Variants in BCAS1 observed in about 807,000 individuals in gnomAD.
BCAS1 encodes the protein brain enriched myelin associated protein 1.
BCAS1 carries 46 observed loss-of-function variants against 65.4 expected under a neutral mutation model. The ratio of observed to expected loss-of-function variants is 0.70; its 90% CI spans 0.55 to 0.90. The LOEUF (loss-of-function observed/expected upper bound fraction) is 0.90. Among genes scored for constraint, BCAS1 ranks in the 40% least tolerant of loss-of-function variants. The pLI, the probability that BCAS1 is intolerant of heterozygous loss-of-function variation, is 0.00. For missense variants in BCAS1, 793 were observed against 771.2 expected, an observed-to-expected ratio of 1.03 and a Z score of -0.33; for synonymous variants, 298 against 293.5, an observed-to-expected ratio of 1.02 and a Z score of -0.16.
At chr20:54,058,840 G>A in intron 1 of BCAS1, 117 bp from the exon 2 acceptor site, 2 of 1,151,662 alleles carry the variant, frequency 1.7e-6, no homozygotes, top group East Asian at 2.4e-5. Flanking sequence ...CATCAGCTGA[G>A]ATCAGAACAA....
chr20:54,060,902 A>G (rs1366579008), intron 1 of BCAS1, among the ~76,000 whole-genome samples: 2 of 152,176 alleles, frequency 1.3e-5, no homozygotes, highest in African/African-American at 2.4e-5. Flanking sequence ...CAATGGAGGG[A>G]ATAACGATTG....
chr20:53,959,834 T>C (rs1263593975), intron 10 of BCAS1, among the ~76,000 whole-genome samples: 1 of 152,218 alleles, frequency 6.6e-6, no homozygotes, highest in Non-Finnish European at 1.5e-5. Context: ...ACATGGAAAG[T>C]GGGTTTTTCC....
chr20:53,944,974 G>A lies in BCAS1; in HGVS notation c.1838C>T (p.Ala613Val), dbSNP rs766944888. The A allele has an allele frequency of 2.1e-5, 34 of 1,613,994 alleles. No homozygotes were observed. The highest frequency in any genetic ancestry group is 2.6e-5 in the Non-Finnish European group (31 of 1,180,014). Residue 613 changes from alanine to valine, a missense_variant, in exon 13 of 13, where the codon GCT becomes GTT. Physicochemically the swap from Ala to Val is moderately conservative, Grantham distance 64 (BLOSUM62 0). Coordinates refer to ENST00000688948, the MANE Select transcript of BCAS1 (RefSeq NM_001366298.2). ...GGATACTGGGTCTGTTTGCACTTGA[G>A]CATCCAACATCCGCTTTGGTCCCTG... ...KGLGPKRMLD[A>V]QVQTDPVSIG...
chr20:54,009,597 A>C (rs1292493778), intron 4 of BCAS1, among the ~76,000 whole-genome samples: 1 of 152,220 alleles, frequency 6.6e-6, no homozygotes, highest in Non-Finnish European at 1.5e-5. Context: ...CCAGGAAAGA[A>C]GTCTTCAGGC....
At chr20:54,067,220 C>T (rs1201137649) in intron 1 of BCAS1, among the ~76,000 whole-genome samples, 1 of 152,066 alleles carries the variant, frequency 6.6e-6, no homozygotes, top group Non-Finnish European at 1.5e-5. Context: ...ACTAAAAATA[C>T]AAAAATTAGC....
chr20:53,997,474 A>G (rs543416532), intron 4 of BCAS1, among the ~76,000 whole-genome samples: 1 of 152,320 alleles, frequency 6.6e-6, no homozygotes, highest in South Asian at 2.1e-4. Context: ...ATTGTCTAAT[A>G]TCCTTATTGA....
intron 9 of BCAS1, among the ~76,000 whole-genome samples, chr20:53,970,290 A>G (rs1261498896): frequency 6.6e-6 from 1 of 152,204 alleles, no homozygotes; most frequent in African/African-American, 2.4e-5. Context: ...TAGGTAAAAA[A>G]ATATAGTACT....
At chr20:54,005,498 G>GA (rs1490532384) in intron 4 of BCAS1, among the ~76,000 whole-genome samples, 4 of 151,562 alleles carry the variant, frequency 2.6e-5, no homozygotes, top group African/African-American at 4.8e-5. Context: ...AAGATAAAAA[G>GA]AAAAAAAAGA....
chr20:53,961,972 C>T (rs751977301), intron 10 of BCAS1, among the ~76,000 whole-genome samples: 27 of 151,782 alleles, frequency 1.8e-4, no homozygotes, highest in Non-Finnish European at 2.2e-4. Context: ...AATAAATAAA[C>T]GGTAGCTCTC....
chr20:53,972,186 G>A (rs1248361313), intron 9 of BCAS1, among the ~76,000 whole-genome samples: 1 of 152,184 alleles, frequency 6.6e-6, no homozygotes, highest in Non-Finnish European at 1.5e-5. Context: ...AAGCACTCTT[G>A]TAATATGGTT....
intron 2 of BCAS1, 32 bp downstream of exon 2, chr20:54,058,615 T>TTTG: frequency 6.6e-7 from 1 of 1,516,404 alleles, no homozygotes; most frequent in Non-Finnish European, 8.8e-7. Context: ...TTTTTTTTTC[T>TTTG]GCTGATGCCC....
chr20:53,997,457 A>T (rs2090946996), intron 4 of BCAS1, among the ~76,000 whole-genome samples: 1 of 152,150 alleles, frequency 6.6e-6, no homozygotes, highest in Admixed American at 6.5e-5. Context: ...TGGTTATAAC[A>T]TTGTTTATTG....
intron 4 of BCAS1, among the ~76,000 whole-genome samples, chr20:54,012,199 G>T (rs1234707184): frequency 1.3e-5 from 2 of 152,136 alleles, no homozygotes; most frequent in East Asian, 1.9e-4. Flanking sequence ...AAATAATAAA[G>T]CTATAGCAAT....
chr20:53,962,710 G>T, intron 10 of BCAS1, among the ~76,000 whole-genome samples: 1 of 152,030 alleles, frequency 6.6e-6, no homozygotes, highest in East Asian at 1.9e-4. Context: ...GATATTCCTC[G>T]CAATTGTTTA....
At chr20:54,053,010 A>G (rs550360902) in intron 3 of BCAS1, among the ~76,000 whole-genome samples, 1 of 152,366 alleles carries the variant, frequency 6.6e-6, no homozygotes, top group East Asian at 1.9e-4. Flanking sequence ...ACTAATTTAA[A>G]CAATTGCATT....
intron 4 of BCAS1, among the ~76,000 whole-genome samples, chr20:54,008,777 A>T (rs925411354): frequency 6.6e-6 from 1 of 152,146 alleles, no homozygotes. Context: ...TGGAAATGAG[A>T]TGACAGAGAT....
chr20:54,037,863 G>A (rs1398924591), intron 3 of BCAS1, among the ~76,000 whole-genome samples: 2 of 151,152 alleles, frequency 1.3e-5, no homozygotes, highest in Non-Finnish European at 3.0e-5. Context: ...GAACAAAGTA[G>A]ACAAAGTTTA....
Position 53,954,294 on chromosome 20 carries a change from G to GGAGAGAGAGAGAGAGAGA in BCAS1, c.1552-617_1552-600dup, listed in dbSNP as rs71196437. Among the ~76,000 whole-genome samples, 95 of 125,894 alleles carry GGAGAGAGAGAGAGAGAGA rather than the reference G, an allele frequency of 7.5e-4. 1 individual carries two copies. The highest frequency in any genetic ancestry group is 1.9e-3 in the African/African-American group (61 of 31,728). The allele number at this position is 125,894 out of a possible 152,430, so 82.6% of individuals were successfully genotyped here. A position where few individuals can be genotyped will look rare whatever the true frequency, so the allele number is the denominator to read the frequency against. On this transcript the variant is annotated intron_variant, in intron 11 of 12. Transcript: ENST00000688948. ...ACAGAGAAAATCACAGCTGAGAAAT[G>GGAGAGAGAGAGAGAGAGA]GAGAGAGAGAGAGAGAGAGAGAGAG... is the stretch of plus-strand genomic sequence containing the variant.
intron 3 of BCAS1, among the ~76,000 whole-genome samples, chr20:54,045,788 T>A (rs1188001844): frequency 6.6e-6 from 1 of 152,272 alleles, no homozygotes; most frequent in Non-Finnish European, 1.5e-5. Flanking sequence ...TTCTGGCATG[T>A]AATGCTTTGT....
Sources: gnomAD v4.1 joint callset for allele counts (sites outside exome capture counted in the v4.1 genomes callset) on GRCh38, gnomAD v4.1.1 for gene constraint, MANE v1.5 for transcripts, NCBI Gene and HGNC (gene_info 2026-07-23, HGNC 2026-07-21) for gene names.